The following TTC23 variants were observed in gnomAD, a reference collection of about 807,000 sequenced individuals.
TTC23 encodes tetratricopeptide repeat protein 23.
TTC23 carries 58 observed loss-of-function variants against 55.1 expected under a neutral mutation model. The ratio of observed to expected loss-of-function variants is 1.05; its 90% CI spans 0.85 to 1.31. The LOEUF is 1.31. Among genes scored for constraint, TTC23 ranks in the 50% most tolerant of loss-of-function variants. TTC23 has a pLI of 0.00. For missense variants in TTC23, 516 were observed against 534.4 expected (o/e 0.97, Z 0.34); for synonymous variants, 203 against 199.9 (o/e 1.02, Z -0.13).
chr15:99,161,057 A>G (rs549259116), intron 11 of TTC23: 1 of 151,922 alleles, frequency 6.6e-6, no homozygotes, highest in South Asian at 2.1e-4. Flanking sequence ...TGAAAAGTAA[A>G]CAGGACTTAG....
intron 8 of TTC23, among the ~76,000 whole-genome samples, chr15:99,207,186 C>CTTTCTGTT (rs2076692002): frequency 6.6e-6 from 1 of 152,046 alleles, no homozygotes; most frequent in Non-Finnish European, 1.5e-5. Flanking sequence ...CAAATAAGAA[C>CTTTCTGTT]AGAAAAGATA....
At chr15:99,188,444 C>A (rs2074932361) in intron 9 of TTC23, among the ~76,000 whole-genome samples, 1 of 152,124 alleles carries the variant, frequency 6.6e-6, no homozygotes, top group Non-Finnish European at 1.5e-5. Context: ...TAAACCACTA[C>A]ATTGTACACT....
intron 10 of TTC23, among the ~76,000 whole-genome samples, chr15:99,170,788 T>C (rs909321347): frequency 2.0e-5 from 3 of 152,222 alleles, no homozygotes; most frequent in Non-Finnish European, 4.4e-5. Flanking sequence ...ACACTGGGAA[T>C]GTACCCACCT....
chr15:99,182,413 T>C (rs1458928998), intron 9 of TTC23, among the ~76,000 whole-genome samples: 3 of 152,172 alleles, frequency 2.0e-5, no homozygotes, highest in African/African-American at 7.2e-5. Flanking sequence ...TGAGGATTAT[T>C]TTTGTATGGT....
At chr15:99,142,352 A>G (rs2068332497) in intron 12 of TTC23, among the ~76,000 whole-genome samples, 1 of 152,192 alleles carries the variant, frequency 6.6e-6, no homozygotes, top group African/African-American at 2.4e-5. Flanking sequence ...TCTTACCAGA[A>G]TAGACTCTAT....
At chr15:99,138,667 C>T (rs1265453915) in intron 13 of TTC23, among the ~76,000 whole-genome samples, 2 of 152,252 alleles carry the variant, frequency 1.3e-5, no homozygotes, top group African/African-American at 4.8e-5. Context: ...AGGCCCTCAA[C>T]CCTTAGCTGG....
At chr15:99,140,816 C>T (rs995173062) in intron 12 of TTC23, 13 of 152,154 alleles carry the variant, frequency 8.5e-5, no homozygotes, top group African/African-American at 2.9e-4. Flanking sequence ...AGACAAGCCA[C>T]GCTGAGGAAA....
chr15:99,150,776 G>C (rs1256764832), intron 12 of TTC23, among the ~76,000 whole-genome samples: 1 of 152,146 alleles, frequency 6.6e-6, no homozygotes, highest in Non-Finnish European at 1.5e-5. Flanking sequence ...CCATAGTTTG[G>C]GACCCTTGCT....
In TTC23 at chr15:99,168,055, G is replaced by A. The variant is rs190387604; in HGVS notation, c.866-6188C>T. ...GGAAGCCTGAGAACACATAAAGCCC[G>A]GAAGAGACTCCTTCCTCACCCCAGA... On this transcript the variant is annotated intron_variant, in intron 10 of 13. Coordinates refer to ENST00000394132, the MANE Select transcript of TTC23 (RefSeq NM_001288615.3). Among the ~76,000 whole-genome samples the A allele has an allele frequency of 2.7e-3, 413 of 152,252 alleles. 1 individual carries two copies. The highest frequency in any genetic ancestry group is 4.2e-3 in the Admixed American group (64 of 15,280).
At chr15:99,196,385 A>T (rs189171417) in intron 9 of TTC23, among the ~76,000 whole-genome samples, 1 of 152,308 alleles carries the variant, frequency 6.6e-6, no homozygotes, top group Admixed American at 6.5e-5. Flanking sequence ...CTACTAGTTT[A>T]ATTTCTGGAC....
intron 10 of TTC23, among the ~76,000 whole-genome samples, chr15:99,166,172 C>T (rs1351933683): frequency 6.6e-6 from 1 of 152,184 alleles, no homozygotes; most frequent in Non-Finnish European, 1.5e-5. Context: ...GGGGCATTTC[C>T]CTGCCCTCTC....
chr15:99,198,733 C>A (rs2075953741), intron 9 of TTC23, among the ~76,000 whole-genome samples: 1 of 152,030 alleles, frequency 6.6e-6, no homozygotes, highest in Non-Finnish European at 1.5e-5. Flanking sequence ...AAGAGACAAT[C>A]CAGATAAAGT....
At chr15:99,224,043 A>G (rs2078179211) in intron 5 of TTC23, among the ~76,000 whole-genome samples, 1 of 152,224 alleles carries the variant, frequency 6.6e-6, no homozygotes, top group South Asian at 2.1e-4. Flanking sequence ...CACAATTCCT[A>G]CATGCATTGG....
intron 9 of TTC23, among the ~76,000 whole-genome samples, chr15:99,197,369 T>G (rs1243487153): frequency 6.6e-6 from 1 of 152,168 alleles, no homozygotes; most frequent in East Asian, 1.9e-4. Flanking sequence ...CCCAAAGTGC[T>G]GGGATTACAG....
At chr15:99,138,292 G>A (rs1305950895) in intron 13 of TTC23, among the ~76,000 whole-genome samples, 165 bp from the exon 14 acceptor site, 2 of 151,774 alleles carry the variant, frequency 1.3e-5, no homozygotes, top group African/African-American at 4.8e-5. Context: ...AACATGAGAT[G>A]TTTTCCTCCC....
At position 99,249,213 on chromosome 15, in the gene TTC23, C is replaced by G. The variant is rs1336783261; in HGVS notation, c.-473G>C. On this transcript the variant is annotated 5_prime_UTR_variant, in exon 1 of 14. Transcript: ENST00000394132. ...ATAATCTGGGCATGATGCTTTCAAA[C>G]TTCACCCTAAAGAGAAAAATGCTCT... 6.6e-6 allele frequency: 1 copy of G among 152,170 alleles called. No homozygotes were observed. Among genetic ancestry groups the G allele is most frequent in the Non-Finnish European group, 1.5e-5 (1 of 68,034 alleles). The allele number at this position is 152,170 out of a possible 1,614,324, so 9.4% of individuals were successfully genotyped here.
chr15:99,212,525 C>G (rs2077123274), intron 8 of TTC23, among the ~76,000 whole-genome samples: 1 of 152,090 alleles, frequency 6.6e-6, no homozygotes, highest in Admixed American at 6.6e-5. Context: ...AGCACCGGAA[C>G]AGAGGAGAGG....
rs1295916506 is a variant in TTC23 at position 99,157,199 on chromosome 15, G to A, written c.994-902C>T. 4 of 143,210 alleles carry A rather than the reference G, an allele frequency of 2.8e-5. No homozygotes were observed. In the East Asian group the frequency reaches 6.1e-4, roughly 22 times the overall value. 8.9% of individuals were successfully genotyped at this position (143,210 alleles called of 1,614,324 possible). A position where few individuals can be genotyped will look rare whatever the true frequency, so the allele number is the denominator to read the frequency against. ...GATCTTCCATTTTACAACAGCAGGT[G>A]GAAATCTGGAGGTTTTTTTTTTTTT... On this transcript the variant is annotated intron_variant, in intron 11 of 13. Coordinates refer to ENST00000394132, the MANE Select transcript of TTC23 (RefSeq NM_001288615.3).
At chr15:99,211,128 A>T (rs1039676110) in intron 8 of TTC23, among the ~76,000 whole-genome samples, 4 of 152,222 alleles carry the variant, frequency 2.6e-5, no homozygotes, top group African/African-American at 9.6e-5. Context: ...TAATCCCAGC[A>T]CTTTGGGAGG....
Sources: allele counts gnomAD v4.1 joint callset (sites outside exome capture counted in the v4.1 genomes callset), GRCh38; gene constraint gnomAD v4.1.1; transcripts MANE v1.5; gene names NCBI Gene and HGNC (gene_info 2026-07-23, HGNC 2026-07-21).